PIP4K2B: variants seen among roughly 807,000 people sequenced by gnomAD.
PIP4K2B encodes the protein phosphatidylinositol-5-phosphate 4-kinase type 2 beta.
In PIP4K2B, 3 loss-of-function variants were observed where a neutral mutation model predicts 42.0. That is an observed-to-expected ratio of 0.07 (90% CI 0.03 to 0.18). PIP4K2B has a LOEUF of 0.18. PIP4K2B is among the 10% of genes least tolerant of loss of function. The pLI, the probability that PIP4K2B is intolerant of heterozygous loss-of-function variation, is 1.00. For synonymous variants in PIP4K2B, 204 were observed against 210.1 expected, an observed-to-expected ratio of 0.97 and a Z score of 0.25; for missense variants, 332 against 562.3, an observed-to-expected ratio of 0.59 and a Z score of 4.14.
chr17:38,770,655 G>A (rs1013721050), intron 8 of PIP4K2B, 116 bp from the exon 9 acceptor site: 10 of 705,430 alleles, frequency 1.4e-5, no homozygotes, highest in Non-Finnish European at 2.0e-5. Flanking sequence ...TATCATGTTG[G>A]GGCTGAGAAA....
At chr17:38,781,877 A>C (rs775900177) in intron 3 of PIP4K2B, among the ~76,000 whole-genome samples, 1 of 151,230 alleles carries the variant, frequency 6.6e-6, no homozygotes. Flanking sequence ...TAGTGGTGCG[A>C]TCATAGCTCA....
chr17:38,770,917 G>A, intron 8 of PIP4K2B, 97 bp downstream of exon 8: 1 of 1,363,982 alleles, frequency 7.3e-7, no homozygotes, highest in Non-Finnish European at 1.0e-6. Flanking sequence ...CAATGAATGA[G>A]GTGGAGGTCC....
At chr17:38,792,245 C>G (rs1910381652) in intron 1 of PIP4K2B, among the ~76,000 whole-genome samples, 1 of 152,096 alleles carries the variant, frequency 6.6e-6, no homozygotes. Flanking sequence ...ACTTCCTGAG[C>G]TCAGGTGATT....
rs1908851179 is a variant in PIP4K2B, at chr17:38,768,793, T to A, written c.*898A>T. On this transcript the variant is annotated 3_prime_UTR_variant, in exon 10 of 10. Transcript: ENST00000619039. Reference sequence around the variant, plus strand: ...AATAACCATTTAAACATGAGGGTCCTGATAAATCCAAAGGTACTCTAGTTC... The same window carrying A: ...AATAACCATTTAAACATGAGGGTCCAGATAAATCCAAAGGTACTCTAGTTC... 6.6e-6 allele frequency: 1 copy of A among 152,582 alleles called. No homozygotes were observed. Among genetic ancestry groups the A allele is most frequent in the African/African-American group, 2.4e-5 (1 of 41,460 alleles). 9.5% of individuals were successfully genotyped at this position (152,582 alleles called of 1,614,324 possible). A position where few individuals can be genotyped will look rare whatever the true frequency, so the allele number is the denominator to read the frequency against.
intron 2 of PIP4K2B, among the ~76,000 whole-genome samples, chr17:38,786,150 A>G (rs1306995024): frequency 6.6e-6 from 1 of 152,248 alleles, no homozygotes; most frequent in Non-Finnish European, 1.5e-5. Context: ...GAATAGAACC[A>G]GGATTCACAT....
At chr17:38,798,588 T>C (rs1021605834) in intron 1 of PIP4K2B, among the ~76,000 whole-genome samples, 2 of 152,204 alleles carry the variant, frequency 1.3e-5, no homozygotes, top group South Asian at 2.1e-4. Context: ...CTACTATGAA[T>C]AGTCCCTCCT....
At chr17:38,778,681 C>T (rs551732496) in intron 5 of PIP4K2B, among the ~76,000 whole-genome samples, 13 of 137,526 alleles carry the variant, frequency 9.5e-5, no homozygotes, top group Admixed American at 2.5e-4. Context: ...TTCACTACCA[C>T]GGTGCTCAGT....
intron 1 of PIP4K2B, among the ~76,000 whole-genome samples, chr17:38,790,634 T>G (rs1598056208): frequency 6.6e-6 from 1 of 152,154 alleles, no homozygotes; most frequent in Non-Finnish European, 1.5e-5. Flanking sequence ...AATTTTTGTA[T>G]TTTTAGTAAA....
At chr17:38,775,731 G>A (rs1171282206) in intron 7 of PIP4K2B, among the ~76,000 whole-genome samples, 2 of 151,954 alleles carry the variant, frequency 1.3e-5, no homozygotes, top group Non-Finnish European at 2.9e-5. Context: ...GGCAGCACGC[G>A]CCTGTAGTCC....
chr17:38,781,887 A>G (rs1031018565), intron 3 of PIP4K2B, among the ~76,000 whole-genome samples: 1 of 151,256 alleles, frequency 6.6e-6, no homozygotes, highest in Non-Finnish European at 1.5e-5. Flanking sequence ...ATCATAGCTC[A>G]CTGCAGCCTT....
In PIP4K2B at chr17:38,770,985, G is replaced by A. The variant is rs865871360; in HGVS notation, c.1066+29C>T. Reference sequence around the variant, plus strand: ...GAGGGGGTAGGATGAGGGCAGGGCTGTGCAGAGCAGGCGCAGGCTCTGACT... The same window carrying A: ...GAGGGGGTAGGATGAGGGCAGGGCTATGCAGAGCAGGCGCAGGCTCTGACT... On this transcript the variant is annotated intron_variant, in intron 8 of 9. Coordinates refer to ENST00000619039, the MANE Select transcript of PIP4K2B (RefSeq NM_003559.5). The A allele has an allele frequency of 5.6e-6, 9 of 1,613,120 alleles. 1 individual carries two copies. The Middle Eastern group carries it at 5.0e-4, about 89-fold the overall frequency.
chr17:38,789,384 T>C (rs937487658), intron 1 of PIP4K2B, among the ~76,000 whole-genome samples: 2 of 152,220 alleles, frequency 1.3e-5, no homozygotes, highest in African/African-American at 4.8e-5. Flanking sequence ...AGCAGAGTAT[T>C]TGACATTTGA....
Position 38,797,716 on chromosome 17 carries a change from G to A in PIP4K2B, c.159+1550C>T, listed in dbSNP as rs185532623. ...AACCAGCAGAGAGAGGCCTGGTAGA[G>A]TGAGAAGCAGGATGCAGAACAAAAT... is the stretch of plus-strand genomic sequence containing the variant. On this transcript the variant is annotated intron_variant, in intron 1 of 9. Coordinates refer to ENST00000619039, the MANE Select transcript of PIP4K2B (RefSeq NM_003559.5). 2.6e-5 allele frequency among the ~76,000 whole-genome samples: 4 copies of A among 152,330 alleles called. No homozygotes were observed. The East Asian group carries it at 7.7e-4, about 29-fold the overall frequency.
intron 1 of PIP4K2B, among the ~76,000 whole-genome samples, chr17:38,793,547 C>T (rs895419895): frequency 1.3e-5 from 2 of 152,096 alleles, no homozygotes; most frequent in African/African-American, 4.8e-5. Flanking sequence ...CCAGGCCCCT[C>T]TGAAGATTTT....
intron 9 of PIP4K2B, among the ~76,000 whole-genome samples, chr17:38,770,215 G>C (rs1598041144): frequency 2.6e-5 from 4 of 152,348 alleles, no homozygotes; most frequent in African/African-American, 9.6e-5. Flanking sequence ...GGAGAACTGG[G>C]GGATAAACAA....
intron 3 of PIP4K2B, among the ~76,000 whole-genome samples, chr17:38,783,556 T>C (rs1567658555): frequency 6.6e-6 from 1 of 151,978 alleles, no homozygotes; most frequent in Non-Finnish European, 1.5e-5. Flanking sequence ...CTAATCTATT[T>C]CATCTGCTTT....
intron 1 of PIP4K2B, among the ~76,000 whole-genome samples, chr17:38,796,798 T>C (rs961858711): frequency 8.6e-5 from 13 of 151,936 alleles, no homozygotes; most frequent in African/African-American, 2.9e-4. Flanking sequence ...CCTAAACAGG[T>C]GAGAAACTAA....
At chr17:38,775,980 C>CTTTTTTTTTTTTTTTTTTT in intron 7 of PIP4K2B, 6 of 400,648 alleles carry the variant, frequency 1.5e-5, no homozygotes, top group Non-Finnish European at 2.5e-5. Context: ...TGTTTGCTTC[C>CTTTTTTTTTTTTTTTTTTT]TTTTTTTTTT....
chr17:38,793,859 G>C (rs1158975953), intron 1 of PIP4K2B, among the ~76,000 whole-genome samples: 3 of 150,714 alleles, frequency 2.0e-5, no homozygotes, highest in African/African-American at 4.9e-5. Flanking sequence ...GCAAGAGCGC[G>C]AGACCCTGCC....
Sources: allele counts gnomAD v4.1 joint callset (sites outside exome capture counted in the v4.1 genomes callset), GRCh38; gene constraint gnomAD v4.1.1; transcripts MANE v1.5; gene names NCBI Gene and HGNC (gene_info 2026-07-23, HGNC 2026-07-21).